Variants in CHRM3 observed in about 807,000 individuals in gnomAD.
CHRM3 encodes the protein cholinergic receptor muscarinic 3, also known as muscarinic acetylcholine receptor M3.
In CHRM3, 11 loss-of-function variants were observed where a neutral mutation model predicts 41.8. The ratio of observed to expected loss-of-function variants is 0.26; its 90% CI spans 0.17 to 0.44. The LOEUF (loss-of-function observed/expected upper bound fraction) is 0.44, where lower values mean the gene tolerates loss of function less well. Ranked by LOEUF, CHRM3 falls within the 20% of genes least tolerant of loss-of-function variation. The pLI is 1.00. For synonymous variants in CHRM3, 297 were observed against 301.4 expected, an observed-to-expected ratio of 0.99 and a Z score of 0.15; for missense variants, 571 against 745.4, an observed-to-expected ratio of 0.77 and a Z score of 2.72.
intron 6 of CHRM3, among the ~76,000 whole-genome samples, chr1:239,847,301 A>T (rs1479693129): frequency 6.6e-6 from 1 of 152,196 alleles, no homozygotes; most frequent in African/African-American, 2.4e-5. Context: ...AAAATAGAGG[A>T]TCTGTTTATT....
intron 5 of CHRM3, among the ~76,000 whole-genome samples, chr1:239,739,640 C>G (rs553623987): frequency 2.6e-5 from 4 of 151,944 alleles, no homozygotes; most frequent in Non-Finnish European, 4.4e-5. Flanking sequence ...GTATTATATG[C>G]TCAGATAGCC....
intron 4 of CHRM3, among the ~76,000 whole-genome samples, chr1:239,657,438 A>C (rs553425987): frequency 6.6e-6 from 1 of 152,292 alleles, no homozygotes; most frequent in East Asian, 1.9e-4. Context: ...CCAAAGAACA[A>C]CTAAGTACTC....
intron 2 of CHRM3, among the ~76,000 whole-genome samples, chr1:239,494,143 A>C (rs1236133431): frequency 1.3e-5 from 2 of 152,198 alleles, no homozygotes; most frequent in African/African-American, 4.8e-5. Context: ...CTAGGAAAGA[A>C]GTGGCAACTT....
chr1:239,739,418 A>G (rs1025379545), intron 5 of CHRM3, among the ~76,000 whole-genome samples: 3 of 152,202 alleles, frequency 2.0e-5, no homozygotes, highest in Non-Finnish European at 2.9e-5. Context: ...ATCTTTCACC[A>G]TAACATTGCA....
intron 6 of CHRM3, among the ~76,000 whole-genome samples, chr1:239,897,007 T>C (rs1679059735): frequency 6.6e-6 from 1 of 152,234 alleles, no homozygotes; most frequent in Admixed American, 6.5e-5. Context: ...CTGGGTGCTT[T>C]ATACAGATTC....
Position 239,393,177 on chromosome 1 carries a change from T to C in CHRM3, c.-521+5950T>C, listed in dbSNP as rs182792551. ...CATAGCAAGACCCCCATCTCTTCAA[T>C]AAAGAAAGAAAGAAAGAAGATCCCA... On this transcript the variant is annotated intron_variant, in intron 1 of 6. Transcript: ENST00000676153. Among the ~76,000 whole-genome samples the C allele has an allele frequency of 2.6e-5, 4 of 152,150 alleles. No homozygotes were observed. The East Asian group carries it at 7.7e-4, about 29-fold the overall frequency.
chr1:239,790,771 A>C (rs934150296), intron 5 of CHRM3, among the ~76,000 whole-genome samples: 1 of 152,140 alleles, frequency 6.6e-6, no homozygotes, highest in Non-Finnish European at 1.5e-5. Flanking sequence ...ATTAGTTCCT[A>C]AACCTCATTA....
chr1:239,905,647 A>G (rs998964835), intron 6 of CHRM3, among the ~76,000 whole-genome samples: 3 of 152,198 alleles, frequency 2.0e-5, no homozygotes, highest in Non-Finnish European at 4.4e-5. Context: ...CAGAGGCTGC[A>G]GTGAGCCAAG....
chr1:239,452,678 A>G (rs1017969249), intron 1 of CHRM3, among the ~76,000 whole-genome samples: 1 of 152,274 alleles, frequency 6.6e-6, no homozygotes, highest in Non-Finnish European at 1.5e-5. Context: ...AGAACTCTAC[A>G]TTAATATCTG....
intron 1 of CHRM3, among the ~76,000 whole-genome samples, chr1:239,470,254 G>T (rs1666021889): frequency 6.6e-6 from 1 of 152,132 alleles, no homozygotes; most frequent in Non-Finnish European, 1.5e-5. Context: ...ACTAAGTGTT[G>T]CTGGCAGCCA....
intron 3 of CHRM3, among the ~76,000 whole-genome samples, chr1:239,602,070 A>G (rs983544573): frequency 6.8e-6 from 1 of 146,578 alleles, no homozygotes; most frequent in Non-Finnish European, 1.5e-5. Flanking sequence ...ATGCACACAT[A>G]TGTACACATA....
intron 1 of CHRM3, among the ~76,000 whole-genome samples, chr1:239,442,600 CTT>C (rs1381882165): frequency 6.6e-6 from 1 of 152,094 alleles, no homozygotes; most frequent in Non-Finnish European, 1.5e-5. Flanking sequence ...GGATCAGACT[CTT>C]TGAGGTTGTT....
intron 4 of CHRM3, among the ~76,000 whole-genome samples, chr1:239,670,774 C>CG (rs1553359351): frequency 6.8e-6 from 1 of 147,844 alleles, no homozygotes; most frequent in Non-Finnish European, 1.5e-5. Context: ...GTGATCTACC[C>CG]CCCCCACCTC....
At chr1:239,468,558 G>T (rs10802770) in intron 1 of CHRM3, among the ~76,000 whole-genome samples, 32,233 of 152,134 alleles carry the variant, frequency 0.21, 4,103 homozygotes, top group Middle Eastern at 0.35. Context: ...TTAACTTCTA[G>T]AAACAGCAGT....
intron 2 of CHRM3, among the ~76,000 whole-genome samples, chr1:239,523,191 G>C (rs1669770562): frequency 2.0e-5 from 3 of 151,958 alleles, no homozygotes. Flanking sequence ...CACATAGAAT[G>C]TATACGTATT....
intron 2 of CHRM3, among the ~76,000 whole-genome samples, chr1:239,504,439 A>G (rs1202722715): frequency 6.6e-6 from 1 of 152,194 alleles, no homozygotes; most frequent in Non-Finnish European, 1.5e-5. Flanking sequence ...GATGTGGTGA[A>G]CAGGGAACAC....
At chr1:239,759,766 G>A (rs2148643507) in intron 5 of CHRM3, among the ~76,000 whole-genome samples, 2 of 152,208 alleles carry the variant, frequency 1.3e-5, no homozygotes, top group East Asian at 3.9e-4. Flanking sequence ...CTCTCTACTG[G>A]AATAAAATTT....
chr1:239,738,325 T>G (rs1163136623), intron 5 of CHRM3, among the ~76,000 whole-genome samples: 11 of 152,292 alleles, frequency 7.2e-5, no homozygotes, highest in Non-Finnish European at 5.9e-5. Context: ...GTAGAGAATT[T>G]GAGAGAAGCT....
intron 5 of CHRM3, among the ~76,000 whole-genome samples, chr1:239,805,005 T>C (rs969723719): frequency 1.3e-5 from 2 of 152,236 alleles, no homozygotes; most frequent in African/African-American, 4.8e-5. Flanking sequence ...ATTCTGAAAC[T>C]ATCCTCTGCC....
Sources: gnomAD v4.1 joint callset for allele counts (sites outside exome capture counted in the v4.1 genomes callset) on GRCh38, gnomAD v4.1.1 for gene constraint, MANE v1.5 for transcripts, NCBI Gene and HGNC (gene_info 2026-07-23, HGNC 2026-07-21) for gene names.